Variants in ALMS1 observed in about 807,000 individuals in gnomAD.
ALMS1 encodes the protein centrosome-associated protein ALMS1.
In ALMS1, 271 loss-of-function variants were observed where a neutral mutation model predicts 352.2. The ratio of observed to expected loss-of-function variants is 0.77; its 90% CI spans 0.70 to 0.85. The LOEUF (loss-of-function observed/expected upper bound fraction) is 0.85, where lower values mean the gene tolerates loss of function less well. ALMS1 is among the 40% of genes least tolerant of loss of function. ALMS1 has a pLI of 0.00. For missense variants in ALMS1, 5,445 were observed against 4,870.7 expected (o/e 1.12, Z -3.51); for synonymous variants, 1,865 against 1,761.2 (o/e 1.06, Z -1.48).
At position 73,602,091 on chromosome 2, in the gene ALMS1, A is replaced by C. The variant is rs532195304; in HGVS notation, c.12115-94A>C. The C allele has an allele frequency of 2.5e-4, 330 of 1,312,850 alleles. 5 individuals are homozygous for C. In the South Asian group the frequency reaches 4.1e-3, roughly 16 times the overall value. 81.3% of individuals were successfully genotyped at this position (1,312,850 alleles called of 1,614,324 possible). On this transcript the variant is annotated intron_variant, in intron 19 of 22. Transcript: ENST00000613296. ...CGGCATTTGAATCAGACTTCCCCAA[A>C]CCTCTTGGGCAGGTGGTGTGTCTCC...
intron 9 of ALMS1, among the ~76,000 whole-genome samples, chr2:73,464,878 C>A (rs775609002): frequency 6.6e-6 from 1 of 152,114 alleles, no homozygotes; most frequent in South Asian, 2.1e-4. Context: ...ACCTAGGAAT[C>A]CAACTTACAA....
At chr2:73,573,980 G>A (rs114654900) in intron 16 of ALMS1, among the ~76,000 whole-genome samples, 4,985 of 152,144 alleles carry the variant, frequency 0.033, 115 homozygotes, top group Middle Eastern at 0.051. Flanking sequence ...AAAGCCAGGA[G>A]GAAGATAAAT....
intron 7 of ALMS1, among the ~76,000 whole-genome samples, chr2:73,432,916 G>C (rs78493639): frequency 0.013 from 1,986 of 152,266 alleles, 29 homozygotes; most frequent in Non-Finnish European, 0.017. Context: ...TGTGTGACTT[G>C]AAGGGAAAAA....
intron 11 of ALMS1, among the ~76,000 whole-genome samples, chr2:73,521,510 G>A (rs1480139254): frequency 6.6e-6 from 1 of 151,232 alleles, no homozygotes; most frequent in Non-Finnish European, 1.5e-5. Context: ...GCCAAGGTGG[G>A]CAGATCACGA....
chr2:73,536,543 T>G (rs1306206099), intron 12 of ALMS1, among the ~76,000 whole-genome samples: 2 of 151,698 alleles, frequency 1.3e-5, no homozygotes, highest in African/African-American at 4.9e-5. Context: ...AAATAATCCT[T>G]TCTTAGACCA....
chr2:73,408,617 T>G lies in ALMS1; in HGVS notation c.325-5T>G. On this transcript the variant is annotated splice_region_variant and splice_polypyrimidine_tract_variant and intron_variant, in intron 1 of 22. Transcript: ENST00000613296. Reference sequence around the variant, plus strand: ...ACTCTATTTAAGCCTGCTTTTGATTTTCAGATTGTTCCATTGACCTGTCAT... The same window carrying G: ...ACTCTATTTAAGCCTGCTTTTGATTGTCAGATTGTTCCATTGACCTGTCAT... The G allele has an allele frequency of 1.9e-6, 3 of 1,612,658 alleles. No individual in the cohort carries two copies. Among genetic ancestry groups the G allele is most frequent in the Non-Finnish European group, 2.5e-6 (3 of 1,179,114 alleles).
intron 1 of ALMS1, among the ~76,000 whole-genome samples, chr2:73,400,774 G>A (rs760435954): frequency 6.6e-6 from 1 of 151,910 alleles, no homozygotes; most frequent in African/African-American, 2.4e-5. Flanking sequence ...GAGATCTGTT[G>A]TGATGTCCTC....
intron 21 of ALMS1, among the ~76,000 whole-genome samples, chr2:73,606,333 A>C (rs190590215): frequency 8.5e-5 from 13 of 152,316 alleles, no homozygotes; most frequent in African/African-American, 2.6e-4. Flanking sequence ...TAAGTCTAAA[A>C]TATTTTTGAA....
chr2:73,386,055 CA>C lies in ALMS1; in HGVS notation c.188del (p.Gln63ArgfsTer6), dbSNP rs769689052. On this transcript the variant is annotated frameshift_variant, in exon 1 of 23. Coordinates refer to ENST00000613296, the MANE Select transcript of ALMS1 (RefSeq NM_001378454.1). LOFTEE classifies it high-confidence loss of function. ...GGACTCCGACTCTCACTACGGGCCC[CA>C]GCATCTGGAAAGTATAGACGACGAG... ...ELDSDSHYGPQHLESIDDEED... is the reference protein window; with the variant it reads ...ELDSDSHYGPXHLESIDDEED... 5.7e-6 allele frequency: 9 copies of C among 1,586,198 alleles called. No homozygotes were observed. Among genetic ancestry groups the C allele is most frequent in the Non-Finnish European group, 5.1e-6 (6 of 1,166,926 alleles).
At chr2:73,485,610 A>G (rs1672818760) in intron 9 of ALMS1, among the ~76,000 whole-genome samples, 1 of 152,172 alleles carries the variant, frequency 6.6e-6, no homozygotes, top group Non-Finnish European at 1.5e-5. Context: ...ACCCAGTTCG[A>G]GCTTCCAGGC....
intron 11 of ALMS1, among the ~76,000 whole-genome samples, chr2:73,521,174 C>T (rs74325848): frequency 0.017 from 2,622 of 152,154 alleles, 71 homozygotes; most frequent in African/African-American, 0.059. Flanking sequence ...TAAATTATCA[C>T]GAAGAACACC....
At position 73,455,247 on chromosome 2, in the gene ALMS1, G is replaced by A. The variant is rs1300742079; in HGVS notation, c.7626G>A (p.Glu2542=). 6.2e-7 allele frequency: 1 copy of A among 1,614,138 alleles called. No individual in the cohort carries two copies. The highest frequency in any genetic ancestry group is 1.7e-5 in the Admixed American group (1 of 60,020). ...AAGATGACAGGAGGAAAGTAGAAGA[G>A]ATCAAGGCAGAGTTATTTGGTCATG... ...LNEDDRRKVE[E]IKAELFGHGR... is the part of the protein sequence containing the mutation. The change falls in exon 9 of 23, where the codon GAG becomes GAA. Residue 2542 remains glutamate, a synonymous_variant. Transcript: ENST00000613296.
intron 10 of ALMS1, among the ~76,000 whole-genome samples, chr2:73,509,514 A>G (rs964294731): frequency 1.1e-4 from 17 of 152,106 alleles, no homozygotes; most frequent in African/African-American, 3.1e-4. Flanking sequence ...TCCTTCACTT[A>G]TGATGCTTAG....
chr2:73,477,692 T>C (rs1263594180), intron 9 of ALMS1, among the ~76,000 whole-genome samples: 1 of 152,202 alleles, frequency 6.6e-6, no homozygotes, highest in Non-Finnish European at 1.5e-5. Flanking sequence ...ATATTTATTT[T>C]GCTAAATATA....
At chr2:73,444,526 T>C (rs1671771867) in intron 7 of ALMS1, among the ~76,000 whole-genome samples, 1 of 152,228 alleles carries the variant, frequency 6.6e-6, no homozygotes. Context: ...AACTTAGTGA[T>C]AGCAACAACA....
chr2:73,579,887 A>C (rs752435643), intron 16 of ALMS1, among the ~76,000 whole-genome samples: 2 of 152,048 alleles, frequency 1.3e-5, no homozygotes, highest in Non-Finnish European at 2.9e-5. Context: ...GAGTTCATTG[A>C]GCTACTTCGA....
intron 8 of ALMS1, 22 bp downstream of exon 8, chr2:73,454,089 T>C: frequency 6.3e-7 from 1 of 1,585,028 alleles, no homozygotes; most frequent in Non-Finnish European, 8.6e-7. Flanking sequence ...GTTTCAGGCT[T>C]ATAAACGTTA....
Position 73,593,191 on chromosome 2 carries a change from GA to G in ALMS1, c.11548-6193del, listed in dbSNP as rs1001144321. 7.3e-3 allele frequency among the ~76,000 whole-genome samples: 977 copies of G among 133,808 alleles called. 5 individuals are homozygous for G. Among genetic ancestry groups the G allele is most frequent in the Middle Eastern group, 0.012 (3 of 248 alleles). The allele number at this position is 133,808 out of a possible 152,430, so 87.8% of individuals were successfully genotyped here. ...TGACCGCATATATAAATGGATTCAG[GA>G]AAAAAAAAAAAAAAAAGTTCCATCC... On this transcript the variant is annotated intron_variant, in intron 16 of 22. Coordinates refer to ENST00000613296, the MANE Select transcript of ALMS1 (RefSeq NM_001378454.1).
In ALMS1 at chr2:73,491,118, C is replaced by A; in HGVS notation, c.9159C>A (p.Pro3053=). The part of the protein sequence containing the change: ...ALSCVHITLC[P]KTSSKLDSGT... Reference sequence around the variant, plus strand: ...CTTGTGTTCATATAACTCTTTGTCCCAAGACTTCTTCCAAGTTGGATAGTG... The same window carrying A: ...CTTGTGTTCATATAACTCTTTGTCCAAAGACTTCTTCCAAGTTGGATAGTG... Residue 3053 remains proline (P), a synonymous_variant, in exon 10 of 23, where the codon CCC becomes CCA. Transcript: ENST00000613296. 6.2e-7 allele frequency: 1 copy of A among 1,614,102 alleles called. No individual in the cohort carries two copies. The highest frequency in any genetic ancestry group is 8.5e-7 in the Non-Finnish European group (1 of 1,180,028).
Sources: gnomAD v4.1 joint callset for allele counts (sites outside exome capture counted in the v4.1 genomes callset) on GRCh38, gnomAD v4.1.1 for gene constraint, MANE v1.5 for transcripts, NCBI Gene and HGNC (gene_info 2026-07-23, HGNC 2026-07-21) for gene names.